The following RIMKLB variants were observed in gnomAD, a reference collection of about 807,000 sequenced individuals.
RIMKLB encodes the protein ribosomal modification protein rimK like family member B, also known as beta-citrylglutamate synthase B.
Under a neutral mutation model 32.0 loss-of-function variants are expected in RIMKLB, and 7 were observed. That is an observed-to-expected ratio of 0.22 (90% CI 0.12 to 0.41). The LOEUF is 0.41. Among genes scored for constraint, RIMKLB ranks in the 10% least tolerant of loss-of-function variants. The probability of loss-of-function intolerance (pLI) is 1.00; values close to 1 mark genes in which losing one functional copy is unlikely to be tolerated. For missense variants in RIMKLB, 289 were observed against 498.7 expected, an observed-to-expected ratio of 0.58 and a Z score of 4.00; for synonymous variants, 172 against 185.1, an observed-to-expected ratio of 0.93 and a Z score of 0.57.
chr12:8,713,925 A>G lies in RIMKLB; in HGVS notation c.59A>G (p.Asp20Gly). ...TTGACAGATCGTCGCATCAGGGAAG[A>G]CTATCCTCAAAAAGAGATTTTACGA... ...WFLTDRRIRE[D>G]YPQKEILRAL... The change falls in exon 2 of 6, where the codon GAC becomes GGC. Residue 20 changes from aspartate (D) to glycine (G), a missense_variant. Transcript: ENST00000535829. 6.2e-7 allele frequency: 1 copy of G among 1,614,162 alleles called. No individual in the cohort carries two copies. Among genetic ancestry groups the G allele is most frequent in the Non-Finnish European group, 8.5e-7 (1 of 1,180,032 alleles).
At position 8,737,608 on chromosome 12, in the gene RIMKLB, CTCAA is replaced by C. The variant is rs149928207; in HGVS notation, c.176-12248_176-12245del. On this transcript the variant is annotated intron_variant, in intron 2 of 5. Transcript: ENST00000535829. ...TTTAGCCTCCATTGATGAATCTTGCCTCAATCAATTATGATGTTGTTACAAAATG... is the reference window on the plus strand; with the variant it reads ...TTTAGCCTCCATTGATGAATCTTGCCTCAATTATGATGTTGTTACAAAATG... Among the ~76,000 whole-genome samples the C allele has an allele frequency of 4.6e-5, 7 of 152,130 alleles. No homozygotes were observed. The East Asian group carries it at 1.4e-3, about 29-fold the overall frequency.
intron 2 of RIMKLB, among the ~76,000 whole-genome samples, chr12:8,732,121 A>T (rs900524943): frequency 1.3e-5 from 2 of 151,866 alleles, no homozygotes; most frequent in Non-Finnish European, 2.9e-5. Flanking sequence ...TGTGGACTGG[A>T]GCTTGAGACC....
chr12:8,670,006 G>A, the RIMKLB span, among the ~76,000 whole-genome samples: 19 of 123,356 alleles, frequency 1.5e-4, no homozygotes, highest in South Asian at 4.0e-3. Flanking sequence ...CAGCCTGGGC[G>A]ACAGAGCAAG....
chr12:8,773,863 T>A lies in RIMKLB; in HGVS notation c.*79T>A. Reference sequence around the variant, plus strand: ...TATTTTTAAAACCAACTTGCAATGCTGTTCATGGAGGATGCTCAGGAAGAT... The same window carrying A: ...TATTTTTAAAACCAACTTGCAATGCAGTTCATGGAGGATGCTCAGGAAGAT... On this transcript the variant is annotated 3_prime_UTR_variant, in exon 6 of 6. Transcript: ENST00000535829. The A allele has an allele frequency of 6.6e-7, 1 of 1,513,340 alleles. No homozygotes were observed. The highest frequency in any genetic ancestry group is 8.8e-7 in the Non-Finnish European group (1 of 1,132,648). 93.7% of individuals were successfully genotyped at this position (1,513,340 alleles called of 1,614,324 possible).
At chr12:8,743,354 C>CAAAAAAA (rs60066068) in intron 2 of RIMKLB, among the ~76,000 whole-genome samples, 12 of 65,186 alleles carry the variant, frequency 1.8e-4, no homozygotes, top group African/African-American at 6.9e-4. Flanking sequence ...GAGTCTGTCT[C>CAAAAAAA]AAAAAAAAAA....
rs575897999 is a variant in RIMKLB at position 8,753,705 on chromosome 12, A to G, written c.494-185A>G. On this transcript the variant is annotated intron_variant, in intron 4 of 5. Coordinates refer to ENST00000535829, the MANE Select transcript of RIMKLB (RefSeq NM_001297776.2). ...GTTTAGGGAGTAGTAAAAGGAGACTATTTACCTTGTCTTTATATATTTTTG... is the reference window on the plus strand; with the variant it reads ...GTTTAGGGAGTAGTAAAAGGAGACTGTTTACCTTGTCTTTATATATTTTTG... 4.3e-4 allele frequency among the ~76,000 whole-genome samples: 66 copies of G among 152,190 alleles called. No individual in the cohort carries two copies. The South Asian group carries it at 0.011, about 25-fold the overall frequency.
At chr12:8,706,397 G>A (rs1354892463) in intron 1 of RIMKLB, among the ~76,000 whole-genome samples, 1 of 149,732 alleles carries the variant, frequency 6.7e-6, no homozygotes, top group Admixed American at 6.7e-5. Context: ...CACCTGCCTC[G>A]GCCTCCCAAA....
chr12:8,739,528 C>T (rs772666546), intron 2 of RIMKLB, among the ~76,000 whole-genome samples: 7 of 152,066 alleles, frequency 4.6e-5, no homozygotes, highest in South Asian at 2.1e-4. Context: ...CACGCTGGTG[C>T]GCAATGATGC....
chr12:8,779,190 T>TA (rs1431972613), downstream of RIMKLB: 18 of 152,238 alleles, frequency 1.2e-4, no homozygotes, highest in African/African-American at 4.3e-4. Context: ...CATGGAGAGT[T>TA]AAACAACCTC....
chr12:8,697,907 G>T (rs1045628744), upstream of RIMKLB: 1 of 148,216 alleles, frequency 6.7e-6, no homozygotes, highest in Non-Finnish European at 1.5e-5. Context: ...CTCAGCAAGC[G>T]GGCGGGCGGC....
intron 2 of RIMKLB, among the ~76,000 whole-genome samples, chr12:8,742,190 G>T (rs961473311): frequency 6.6e-6 from 1 of 151,906 alleles, no homozygotes; most frequent in African/African-American, 2.4e-5. Flanking sequence ...GAGCCACCAT[G>T]CCCGGCTGGA....
downstream of RIMKLB, among the ~76,000 whole-genome samples, chr12:8,778,145 A>C (rs1449779341): frequency 2.0e-5 from 3 of 152,100 alleles, no homozygotes; most frequent in Non-Finnish European, 4.4e-5. Flanking sequence ...CTCTGGCTTA[A>C]GCTTTTTCAG....
chr12:8,718,903 C>T (rs920420590), intron 2 of RIMKLB, among the ~76,000 whole-genome samples: 3 of 152,098 alleles, frequency 2.0e-5, no homozygotes, highest in Admixed American at 2.0e-4. Flanking sequence ...GTTTACATTA[C>T]TGCTTACTCT....
At chr12:8,693,397 C>CT (rs1343900844), upstream of RIMKLB, among the ~76,000 whole-genome samples, 2 of 141,548 alleles carry the variant, frequency 1.4e-5, no homozygotes, top group Non-Finnish European at 3.1e-5. Context: ...TTCTTTCTTT[C>CT]TTTCTTTTTT....
chr12:8,687,795 G>A (rs971554725), intron 1 of RIMKLB, among the ~76,000 whole-genome samples: 1 of 144,746 alleles, frequency 6.9e-6, no homozygotes, highest in African/African-American at 2.6e-5. Context: ...CAGTCCTTTT[G>A]CTAGAGCAAG....
At chr12:8,699,254 C>G (rs1456466344) in intron 1 of RIMKLB, among the ~76,000 whole-genome samples, 1 of 152,080 alleles carries the variant, frequency 6.6e-6, no homozygotes, top group Admixed American at 6.5e-5. Context: ...GGGCAGCCTA[C>G]TATGCAGATT....
chr12:8,717,985 A>G (rs1945029409), intron 2 of RIMKLB, among the ~76,000 whole-genome samples: 1 of 152,158 alleles, frequency 6.6e-6, no homozygotes, highest in Non-Finnish European at 1.5e-5. Context: ...GGCTAGCAGA[A>G]TTGTATTTTC....
chr12:8,697,914 C>G (rs937092216), upstream of RIMKLB: 2 of 148,472 alleles, frequency 1.3e-5, no homozygotes, highest in Non-Finnish European at 3.0e-5. Flanking sequence ...AGCGGGCGGG[C>G]GGCGTTCGGT....
chr12:8,726,154 G>A (rs1045362571), intron 2 of RIMKLB, among the ~76,000 whole-genome samples: 1 of 152,192 alleles, frequency 6.6e-6, no homozygotes, highest in Non-Finnish European at 1.5e-5. Flanking sequence ...GGCCCAGGTT[G>A]TACTGTTTTG....
Sources: gnomAD v4.1 joint callset for allele counts (sites outside exome capture counted in the v4.1 genomes callset) on GRCh38, gnomAD v4.1.1 for gene constraint, MANE v1.5 for transcripts, NCBI Gene and HGNC (gene_info 2026-07-23, HGNC 2026-07-21) for gene names.